Variants in NINL observed in about 807,000 individuals in gnomAD.
NINL encodes ninein like.
Under a neutral mutation model 160.3 loss-of-function variants are expected in NINL, and 153 were observed. That is an observed-to-expected ratio of 0.95 (90% CI 0.84 to 1.09). The LOEUF (loss-of-function observed/expected upper bound fraction) is 1.09, where lower values mean the gene tolerates loss of function less well. Ranked by LOEUF, NINL falls within the 50% of genes least tolerant of loss-of-function variation. The pLI, the probability that NINL is intolerant of heterozygous loss-of-function variation, is 0.00. For missense variants in NINL, 1,829 were observed against 1,764.0 expected (o/e 1.04, Z -0.66); for synonymous variants, 800 against 734.8 (o/e 1.09, Z -1.43).
intron 1 of NINL, among the ~76,000 whole-genome samples, chr20:25,543,889 C>T (rs1160132605): frequency 6.8e-6 from 1 of 146,952 alleles, no homozygotes; most frequent in African/African-American, 2.6e-5. Flanking sequence ...GAAGATTCTA[C>T]ATGCAGGCCC....
chr20:25,505,457 C>G (rs562236927), intron 5 of NINL, among the ~76,000 whole-genome samples: 1 of 152,290 alleles, frequency 6.6e-6, no homozygotes, highest in Admixed American at 6.5e-5. Flanking sequence ...GAGTCTATCT[C>G]AAGTGTTCTC....
chr20:25,488,260 C>T (rs570956755), intron 13 of NINL, among the ~76,000 whole-genome samples: 58 of 152,276 alleles, frequency 3.8e-4, no homozygotes, highest in African/African-American at 1.4e-3. Context: ...GAGTCTCGCT[C>T]TGTGGCCCAG....
intron 1 of NINL, among the ~76,000 whole-genome samples, chr20:25,563,074 G>A (rs917490840): frequency 2.0e-5 from 3 of 152,238 alleles, no homozygotes; most frequent in Non-Finnish European, 4.4e-5. Flanking sequence ...GCTGAGGCAG[G>A]AGAATGGCGT....
intron 1 of NINL, among the ~76,000 whole-genome samples, chr20:25,557,978 A>T (rs1041315208): frequency 7.9e-6 from 1 of 126,796 alleles, no homozygotes; most frequent in Non-Finnish European, 1.6e-5. Flanking sequence ...AAAATACAAA[A>T]AAAAAAAAAA....
intron 10 of NINL, among the ~76,000 whole-genome samples, chr20:25,492,170 G>A (rs893728807): frequency 6.6e-6 from 1 of 152,044 alleles, no homozygotes; most frequent in Non-Finnish European, 1.5e-5. Context: ...AACCAAGTCC[G>A]AGACACCTAA....
chr20:25,546,963 T>C (rs1422276695), intron 1 of NINL, among the ~76,000 whole-genome samples: 1 of 152,130 alleles, frequency 6.6e-6, no homozygotes, highest in East Asian at 1.9e-4. Flanking sequence ...CTCCCCTGCA[T>C]GTGCCTGTGT....
chr20:25,549,363 C>T (rs1042779275), intron 1 of NINL, among the ~76,000 whole-genome samples: 25 of 151,560 alleles, frequency 1.6e-4, no homozygotes, highest in African/African-American at 5.6e-4. Context: ...GGGCTGACCC[C>T]GGCACCCATG....
At chr20:25,528,693 G>C (rs868268455) in intron 1 of NINL, among the ~76,000 whole-genome samples, 2 of 152,040 alleles carry the variant, frequency 1.3e-5, no homozygotes, top group African/African-American at 2.4e-5. Flanking sequence ...AAGATATTCA[G>C]ATAAACCACA....
chr20:25,550,624 T>C (rs889081910), intron 1 of NINL, among the ~76,000 whole-genome samples: 2 of 152,166 alleles, frequency 1.3e-5, no homozygotes, highest in Non-Finnish European at 2.9e-5. Flanking sequence ...GGACTGTGTG[T>C]CATAAATAAG....
intron 1 of NINL, among the ~76,000 whole-genome samples, chr20:25,570,251 T>C (rs988444653): frequency 3.9e-5 from 6 of 152,178 alleles, no homozygotes; most frequent in Admixed American, 6.6e-5. Context: ...ATCTGTGTCC[T>C]TGCCCAAACC....
Position 25,500,893 on chromosome 20 carries a change from C to A in NINL, c.979G>T (p.Val327Phe), listed in dbSNP as rs781029398. The change falls in exon 8 of 24, where the codon GTC (valine) becomes TTC (phenylalanine). Residue 327 changes from valine to phenylalanine, a missense_variant. Transcript: ENST00000278886. ...DGSGFAFPDQ[V>F]LAMWTQEGIQ... is the part of the protein sequence containing the mutation. ...CCCTCCTGGGTCCACATGGCCAGGA[C>A]CTGATCAGGAAAAGCGAAGCCAGAA... 6.2e-7 allele frequency: 1 copy of A among 1,614,184 alleles called. No individual in the cohort carries two copies. The highest frequency in any genetic ancestry group is 1.7e-5 in the Admixed American group (1 of 60,018).
chr20:25,510,648 C>T, intron 5 of NINL, 26 bp downstream of exon 5: 1 of 1,607,094 alleles, frequency 6.2e-7, no homozygotes, highest in Non-Finnish European at 8.5e-7. Flanking sequence ...AGGCAGAGAG[C>T]ACTGAATGCG....
intron 17 of NINL, among the ~76,000 whole-genome samples, chr20:25,475,373 T>A (rs765619492): frequency 2.6e-5 from 4 of 152,172 alleles, no homozygotes; most frequent in African/African-American, 9.7e-5. Context: ...CTTCCAAGAA[T>A]TGAAGAGAAG....
intron 1 of NINL, among the ~76,000 whole-genome samples, chr20:25,575,930 CCTT>C (rs2065110323): frequency 6.6e-6 from 1 of 152,150 alleles, no homozygotes; most frequent in Non-Finnish European, 1.5e-5. Flanking sequence ...CTGCTCCTCT[CCTT>C]CTCCATTTGA....
intron 4 of NINL, among the ~76,000 whole-genome samples, chr20:25,511,227 A>G (rs1273263166): frequency 1.3e-5 from 2 of 152,166 alleles, no homozygotes; most frequent in African/African-American, 4.8e-5. Context: ...ATATCAGTTC[A>G]GCAAACAGTC....
intron 23 of NINL, 91 bp downstream of exon 23, chr20:25,455,582 C>G (rs1333654627): frequency 2.3e-6 from 2 of 872,744 alleles, no homozygotes; most frequent in African/African-American, 1.7e-5. Context: ...ACAAGACAGC[C>G]TTTTCCTGTA....
chr20:25,458,372 T>A lies in NINL; in HGVS notation c.3843+11A>T, dbSNP rs746771126. On this transcript the variant is annotated intron_variant, in intron 22 of 23. Coordinates refer to ENST00000278886, the MANE Select transcript of NINL (RefSeq NM_025176.6). Reference sequence around the variant, plus strand: ...ATCTCGTCAGCCATCTCTCGCTGCATCCCCACTTACCCGCTGTGCATCCAG... The same window carrying A: ...ATCTCGTCAGCCATCTCTCGCTGCAACCCCACTTACCCGCTGTGCATCCAG... The A allele has an allele frequency of 5.0e-6, 8 of 1,605,442 alleles. No homozygotes were observed. The Admixed American group carries it at 1.3e-4, about 27-fold the overall frequency.
intron 3 of NINL, among the ~76,000 whole-genome samples, chr20:25,516,569 C>G (rs1398096617): frequency 6.6e-6 from 1 of 152,154 alleles, no homozygotes; most frequent in Non-Finnish European, 1.5e-5. Context: ...AATACAACAT[C>G]AGAGGACCAG....
intron 8 of NINL, 151 bp from the exon 9 acceptor site, chr20:25,498,497 G>C (rs890666600): frequency 2.5e-5 from 26 of 1,028,790 alleles, no homozygotes; most frequent in Non-Finnish European, 3.5e-5. Flanking sequence ...TGCGTCTTGA[G>C]GGGTGCTCCT....
Sources: gnomAD v4.1 joint callset for allele counts (sites outside exome capture counted in the v4.1 genomes callset) on GRCh38, gnomAD v4.1.1 for gene constraint, MANE v1.5 for transcripts, NCBI Gene and HGNC (gene_info 2026-07-23, HGNC 2026-07-21) for gene names.